The following CTNNBIP1 variants were observed in gnomAD, a reference collection of about 807,000 sequenced individuals.
CTNNBIP1 encodes the protein catenin beta interacting protein 1, also known as beta-catenin-interacting protein 1.
CTNNBIP1 carries 7 observed loss-of-function variants against 11.8 expected under a neutral mutation model. That is an observed-to-expected ratio of 0.60 (90% confidence interval 0.34 to 1.12). The LOEUF (loss-of-function observed/expected upper bound fraction) is 1.12, where lower values mean the gene tolerates loss of function less well. Ranked by LOEUF, CTNNBIP1 falls within the 50% of genes most tolerant of loss-of-function variation. The probability of loss-of-function intolerance (pLI) is 0.03; values close to 1 mark genes in which losing one functional copy is unlikely to be tolerated. For missense variants in CTNNBIP1, 101 were observed against 113.4 expected, an observed-to-expected ratio of 0.89 and a Z score of 0.50; for synonymous variants, 58 against 43.9, an observed-to-expected ratio of 1.32 and a Z score of -1.26.
chr1:9,875,224 C>T (rs1049980609), intron 3 of CTNNBIP1, among the ~76,000 whole-genome samples: 3 of 152,298 alleles, frequency 2.0e-5, no homozygotes, highest in East Asian at 1.9e-4. Flanking sequence ...ACTCCAGCCC[C>T]GGGTCCCAGG....
Position 9,908,605 on chromosome 1 carries a change from G to A in CTNNBIP1, c.-144+1490C>T, listed in dbSNP as rs530109416. Among the ~76,000 whole-genome samples, 15 of 152,028 alleles carry A rather than the reference G, an allele frequency of 9.9e-5. No homozygotes were observed. The South Asian group carries it at 2.9e-3, about 29-fold the overall frequency. Reference sequence around the variant, plus strand: ...TCTCGATCTCCTAACCTCGTGATCCGCCCGCCTCGGCCTCCCAAAGTGCTG... The same window carrying A: ...TCTCGATCTCCTAACCTCGTGATCCACCCGCCTCGGCCTCCCAAAGTGCTG... On this transcript the variant is annotated intron_variant, in intron 1 of 5. Coordinates refer to ENST00000377263, the MANE Select transcript of CTNNBIP1 (RefSeq NM_020248.3).
Position 9,872,311 on chromosome 1 carries a change from GGCTGGC to G in CTNNBIP1, c.-24-229_-24-224del, listed in dbSNP as rs1037815291. Among the ~76,000 whole-genome samples, 24 of 152,160 alleles carry G rather than the reference GGCTGGC, an allele frequency of 1.6e-4. No individual in the cohort carries two copies. Among genetic ancestry groups the G allele is most frequent in the Non-Finnish European group, 3.5e-4 (24 of 68,014 alleles). On this transcript the variant is annotated intron_variant, in intron 3 of 5. Coordinates refer to ENST00000377263, the MANE Select transcript of CTNNBIP1 (RefSeq NM_020248.3). This position sits in a 1 kb window ranked among gnomAD's most constrained non-coding sequence, Gnocchi z 4.0. ...TCTGTTCTCCAGCAGGCGCTGCAAG[GGCTGGC>G]CTGCCTGCTGCCTCTGTGCATGAAG...
intron 5 of CTNNBIP1, among the ~76,000 whole-genome samples, chr1:9,857,169 T>A (rs369067033): frequency 8.7e-4 from 131 of 150,160 alleles, no homozygotes; most frequent in African/African-American, 3.1e-3. Flanking sequence ...AATAAAAAAG[T>A]GGAGAAAACC....
chr1:9,866,641 C>T (rs1263160075), intron 5 of CTNNBIP1, among the ~76,000 whole-genome samples: 2 of 150,638 alleles, frequency 1.3e-5, no homozygotes, highest in African/African-American at 4.9e-5. Context: ...GATCACGCCA[C>T]TGCACTCCAG....
In CTNNBIP1 at chr1:9,872,639, C is replaced by T. The variant is rs139522182; in HGVS notation, c.-24-551G>A. The stretch of plus-strand genomic sequence containing the variant: ...AGAGGCCAGGGTTGTGGCTCCTGGG[C>T]TGGGCTCCAAGGGGTCCCTTGATGG... On this transcript the variant is annotated intron_variant, in intron 3 of 5. Transcript: ENST00000377263. The surrounding 1 kb of genome is among the most constrained non-coding windows in gnomAD (Gnocchi z 4.0). Among the ~76,000 whole-genome samples, 101 of 152,332 alleles carry T rather than the reference C, an allele frequency of 6.6e-4. No homozygotes were observed. The highest frequency in any genetic ancestry group is 2.1e-3 in the African/African-American group (86 of 41,572).
At chr1:9,876,933 G>A (rs1034966533) in intron 3 of CTNNBIP1, among the ~76,000 whole-genome samples, 1 of 151,488 alleles carries the variant, frequency 6.6e-6, no homozygotes, top group African/African-American at 2.4e-5. Flanking sequence ...GGCTGGTCAG[G>A]AAAGGATGGT....
At chr1:9,861,342 C>G (rs1205041702) in intron 5 of CTNNBIP1, among the ~76,000 whole-genome samples, 1 of 152,236 alleles carries the variant, frequency 6.6e-6, no homozygotes, top group African/African-American at 2.4e-5. Flanking sequence ...TGGACTGGGC[C>G]TCCTCCCACA....
intron 3 of CTNNBIP1, among the ~76,000 whole-genome samples, chr1:9,877,592 C>A (rs1638996333): frequency 6.6e-6 from 1 of 152,154 alleles, no homozygotes; most frequent in Non-Finnish European, 1.5e-5. Flanking sequence ...TAAAAATGTA[C>A]AATTTACACT....
chr1:9,859,437 C>A (rs1638577988), intron 5 of CTNNBIP1, among the ~76,000 whole-genome samples: 1 of 152,218 alleles, frequency 6.6e-6, no homozygotes, highest in Non-Finnish European at 1.5e-5. Context: ...GAACTCCCAC[C>A]AGCATGCTGG....
intron 3 of CTNNBIP1, among the ~76,000 whole-genome samples, 189 bp downstream of exon 3, chr1:9,877,715 AG>A (rs1180246575): frequency 6.6e-6 from 1 of 152,154 alleles, no homozygotes; most frequent in Admixed American, 6.5e-5. Flanking sequence ...AGAAATCAGC[AG>A]CACCCTAACA....
At chr1:9,909,818 C>T (rs1455089042) in intron 1 of CTNNBIP1, among the ~76,000 whole-genome samples, 2 of 151,958 alleles carry the variant, frequency 1.3e-5, no homozygotes, top group Non-Finnish European at 2.9e-5. Context: ...GACAGGCACC[C>T]GGACGCGGTG....
chr1:9,885,029 G>A (rs1639156799), intron 1 of CTNNBIP1, among the ~76,000 whole-genome samples: 1 of 152,170 alleles, frequency 6.6e-6, no homozygotes, highest in Non-Finnish European at 1.5e-5. Context: ...GGTCCAGCAG[G>A]ACCACCTGAC....
intron 5 of CTNNBIP1, among the ~76,000 whole-genome samples, chr1:9,854,564 T>G (rs1005983388): frequency 6.6e-6 from 1 of 151,944 alleles, no homozygotes; most frequent in South Asian, 2.1e-4. Context: ...CCAGGTTAGG[T>G]AAGTTAAGAA....
At chr1:9,857,130 A>C (rs1319789359) in intron 5 of CTNNBIP1, among the ~76,000 whole-genome samples, 1 of 150,574 alleles carries the variant, frequency 6.6e-6, no homozygotes, top group Non-Finnish European at 1.5e-5. Context: ...TCAAAAACAA[A>C]ACAAAACAAA....
chr1:9,895,167 G>T lies in CTNNBIP1; in HGVS notation c.-143-11429C>A, dbSNP rs1326324181. 7.4e-5 allele frequency among the ~76,000 whole-genome samples: 11 copies of T among 149,652 alleles called. No homozygotes were observed. In the South Asian group the frequency reaches 1.1e-3, roughly 14 times the overall value. On this transcript the variant is annotated intron_variant, in intron 1 of 5. Transcript: ENST00000377263. ...CATGATACGCCCGCCTCGGCCTCCC[G>T]AAGTGCTGGGATTACAGGCATGAGC...
At chr1:9,889,453 T>C (rs1200832636) in intron 1 of CTNNBIP1, among the ~76,000 whole-genome samples, 1 of 152,162 alleles carries the variant, frequency 6.6e-6, no homozygotes, top group Non-Finnish European at 1.5e-5. Context: ...ATCTCGGAGC[T>C]GCCGATTGCA....
chr1:9,848,593 G>A lies in CTNNBIP1; in HGVS notation c.*2125C>T, dbSNP rs1306956087. ...GATGAAAGAACTCACCTTTCCCCAG[G>A]GGCTCAGCCAGACCTCCAGGCCCCT... is the stretch of plus-strand genomic sequence containing the variant. On this transcript the variant is annotated 3_prime_UTR_variant, in exon 6 of 6. Transcript: ENST00000377263. The surrounding 1 kb of genome is among the most constrained non-coding windows in gnomAD (Gnocchi z 4.3). 1 of 152,224 alleles carries A rather than the reference G, an allele frequency of 6.6e-6. No individual in the cohort carries two copies. Among genetic ancestry groups the A allele is most frequent in the African/African-American group, 2.4e-5 (1 of 41,438 alleles). The allele number at this position is 152,224 out of a possible 1,614,324, so 9.4% of individuals were successfully genotyped here.
intron 1 of CTNNBIP1, among the ~76,000 whole-genome samples, chr1:9,909,653 G>A (rs924507081): frequency 6.6e-6 from 1 of 152,172 alleles, no homozygotes; most frequent in Non-Finnish European, 1.5e-5. Context: ...CACCGGGGAG[G>A]GGTGGAATCG....
At chr1:9,856,787 T>TA (rs1638511098) in intron 5 of CTNNBIP1, among the ~76,000 whole-genome samples, 1 of 151,828 alleles carries the variant, frequency 6.6e-6, no homozygotes, top group South Asian at 2.1e-4. Context: ...GTGTTGGGAT[T>TA]AAAGGCATGA....
Sources: gnomAD v4.1 joint callset for allele counts (sites outside exome capture counted in the v4.1 genomes callset) on GRCh38, gnomAD v4.1.1 for gene constraint, Gnocchi (gnomAD v3.1) non-coding constraint, MANE v1.5 for transcripts, NCBI Gene and HGNC (gene_info 2026-07-23, HGNC 2026-07-21) for gene names.